Variants in NRGN observed in about 807,000 individuals in gnomAD.
The protein encoded by NRGN is calmodulin-binding protein.
For synonymous variants in NRGN, 47 were observed against 52.8 expected, an observed-to-expected ratio of 0.89 and a Z score of 0.47; for missense variants, 82 against 123.0, an observed-to-expected ratio of 0.67 and a Z score of 1.58.
intron 1 of NRGN, among the ~76,000 whole-genome samples, chr11:124,742,217 G>A (rs1019184676): frequency 6.6e-6 from 1 of 152,188 alleles, no homozygotes; most frequent in African/African-American, 2.4e-5. Context: ...GCTGGACTCA[G>A]TGCTGGGAGA....
chr11:124,740,246 G>A lies in NRGN; in HGVS notation c.15+147G>A. The A allele has an allele frequency of 1.7e-6, 1 of 571,876 alleles. No homozygotes were observed. Among genetic ancestry groups the A allele is most frequent in the Non-Finnish European group, 2.6e-6 (1 of 378,002 alleles). The allele number at this position is 571,876 out of a possible 1,614,324, so 35.4% of individuals were successfully genotyped here. ...AAGGGGTCCTTGCCGAGACGTGGGT[G>A]GTGGATGGTGGAAGGCGCCCGCCCG... is the stretch of plus-strand genomic sequence containing the variant. On this transcript the variant is annotated intron_variant, in intron 1 of 3. Coordinates refer to ENST00000284292, the MANE Select transcript of NRGN (RefSeq NM_006176.3). This position sits in a 1 kb window ranked among gnomAD's most constrained non-coding sequence, Gnocchi z 7.5.
chr11:124,745,482 A>G lies in NRGN; in HGVS notation c.16-21A>G. 1 of 1,542,584 alleles carries G rather than the reference A, an allele frequency of 6.5e-7. No individual in the cohort carries two copies. Among genetic ancestry groups the G allele is most frequent in the Non-Finnish European group, 8.7e-7 (1 of 1,144,416 alleles). On this transcript the variant is annotated intron_variant, in intron 1 of 3. Coordinates refer to ENST00000284292, the MANE Select transcript of NRGN (RefSeq NM_006176.3). This position sits in a 1 kb window ranked among gnomAD's most constrained non-coding sequence, Gnocchi z 6.4. The stretch of plus-strand genomic sequence containing the variant: ...ATCAAGACCCAGTGACCCCACAAGA[A>G]CCCCCCTGCTTCGCCCCCAGGAGAA...
chr11:124,743,902 G>GAAAAAAAA lies in NRGN; in HGVS notation c.16-1597_16-1590dup, dbSNP rs56291708. On this transcript the variant is annotated intron_variant, in intron 1 of 3. Coordinates refer to ENST00000284292, the MANE Select transcript of NRGN (RefSeq NM_006176.3). ...AAAGCAGTGGAAGACTTCATGAAAA[G>GAAAAAAAA]AAAAAAAAAAAGAAGGAGGCAAATT... Among the ~76,000 whole-genome samples the GAAAAAAAA allele has an allele frequency of 8.8e-4, 119 of 134,848 alleles. 5 individuals carry two copies. Among genetic ancestry groups the GAAAAAAAA allele is most frequent in the Non-Finnish European group, 1.4e-3 (88 of 63,850 alleles). The allele number at this position is 134,848 out of a possible 152,430, so 88.5% of individuals were successfully genotyped here.
intron 1 of NRGN, among the ~76,000 whole-genome samples, chr11:124,742,757 A>C (rs1474561786): frequency 1.3e-5 from 2 of 152,180 alleles, no homozygotes; most frequent in African/African-American, 4.8e-5. Flanking sequence ...AAATGAGGTA[A>C]TATATGCAAA....
chr11:124,745,745 C>G lies in NRGN; in HGVS notation c.*5+16C>G. On this transcript the variant is annotated intron_variant, in intron 2 of 3. Transcript: ENST00000284292. The surrounding 1 kb of genome is among the most constrained non-coding windows in gnomAD (Gnocchi z 6.4). ...ACTAGGCCAGGTGAGGCGGGCGGCG[C>G]GCGGCTGGCTGACAGCTGCCCTTCC... 1 of 1,261,814 alleles carries G rather than the reference C, an allele frequency of 7.9e-7. No homozygotes were observed. 78.2% of individuals were successfully genotyped at this position (1,261,814 alleles called of 1,614,324 possible). A position where few individuals can be genotyped will look rare whatever the true frequency, so the allele number is the denominator to read the frequency against.
Position 124,740,130 on chromosome 11 carries a change from TG to T in NRGN, c.15+33del. ...TTAGAGGGCCCGGGGGAGGGGCACTTGGCGGGGTCCGCTGCGAGAGGCGCCT... is the reference window on the plus strand; with the variant it reads ...TTAGAGGGCCCGGGGGAGGGGCACTTGCGGGGTCCGCTGCGAGAGGCGCCT... On this transcript the variant is annotated intron_variant, in intron 1 of 3. Transcript: ENST00000284292. The surrounding 1 kb of genome is among the most constrained non-coding windows in gnomAD (Gnocchi z 7.5). 1.5e-6 allele frequency: 2 copies of T among 1,322,378 alleles called. No homozygotes were observed. Among genetic ancestry groups the T allele is most frequent in the South Asian group, 2.5e-5 (1 of 39,926 alleles). The allele number at this position is 1,322,378 out of a possible 1,614,324, so 81.9% of individuals were successfully genotyped here.
At position 124,745,567 on chromosome 11, in the gene NRGN, A is replaced by T; in HGVS notation, c.80A>T (p.Asn27Ile). Residue 27 changes from asparagine to isoleucine, a missense_variant, in exon 2 of 4, where the codon AAC becomes ATC. By Grantham distance (149) the Asn-to-Ile change is moderately radical. Transcript: ENST00000284292. The surrounding 1 kb of genome is among the most constrained non-coding windows in gnomAD (Gnocchi z 6.4). ...LDIPLDDPGA[N>I]AAAAKIQASF... ...ATCCCGCTGGACGATCCCGGCGCCA[A>T]CGCGGCCGCCGCCAAAATCCAGGCG... 6.2e-7 allele frequency: 1 copy of T among 1,605,926 alleles called. No homozygotes were observed. Among genetic ancestry groups the T allele is most frequent in the Non-Finnish European group, 8.5e-7 (1 of 1,177,442 alleles).
At chr11:124,743,212 A>G (rs192747713) in intron 1 of NRGN, among the ~76,000 whole-genome samples, 48 of 152,306 alleles carry the variant, frequency 3.2e-4, no homozygotes, top group Admixed American at 2.9e-3. Context: ...CTGCTATTCC[A>G]GGTTTCCATT....
chr11:124,740,137 G>T lies in NRGN; in HGVS notation c.15+38G>T. 1 of 1,313,784 alleles carries T rather than the reference G, an allele frequency of 7.6e-7. No homozygotes were observed. Among genetic ancestry groups the T allele is most frequent in the South Asian group, 2.6e-5 (1 of 38,652 alleles). The allele number at this position is 1,313,784 out of a possible 1,614,324, so 81.4% of individuals were successfully genotyped here. ...GCCCGGGGGAGGGGCACTTGGCGGG[G>T]TCCGCTGCGAGAGGCGCCTGAGAAA... On this transcript the variant is annotated intron_variant, in intron 1 of 3. Transcript: ENST00000284292. The surrounding 1 kb of genome is among the most constrained non-coding windows in gnomAD (Gnocchi z 7.5).
chr11:124,743,949 T>G (rs1482040989), intron 1 of NRGN, among the ~76,000 whole-genome samples: 1 of 147,284 alleles, frequency 6.8e-6, no homozygotes, highest in Non-Finnish European at 1.5e-5. Flanking sequence ...GTGAGCCAGA[T>G]CAAAGGAGAA....
At chr11:124,744,740 A>G (rs866164649) in intron 1 of NRGN, 1 of 152,262 alleles carries the variant, frequency 6.6e-6, no homozygotes. Flanking sequence ...AGCTATCACC[A>G]TAATTCCCTT....
At position 124,747,040 on chromosome 11, in the gene NRGN, T is replaced by G. The variant is rs1369520114; in HGVS notation, c.*660T>G. On this transcript the variant is annotated 3_prime_UTR_variant, in exon 4 of 4. Transcript: ENST00000284292. ...CTTGTTTATGCAAACGCCGAGCGCC[T>G]GGGAGGCTCGGTAGGAGGAGTCTTC... 1.3e-5 allele frequency: 2 copies of G among 153,116 alleles called. No homozygotes were observed. Among genetic ancestry groups the G allele is most frequent in the African/African-American group, 4.8e-5 (2 of 41,436 alleles). The allele number at this position is 153,116 out of a possible 1,614,324, so 9.5% of individuals were successfully genotyped here.
At position 124,745,430 on chromosome 11, in the gene NRGN, G is replaced by A. The variant is rs1174060037; in HGVS notation, c.16-73G>A. ...CGTCGCCATAGTCCCTGTCCCTCAG[G>A]GCTCTATTCCTACCCCACTCCCGCG... is the stretch of plus-strand genomic sequence containing the variant. On this transcript the variant is annotated intron_variant, in intron 1 of 3. Coordinates refer to ENST00000284292, the MANE Select transcript of NRGN (RefSeq NM_006176.3). The surrounding 1 kb of genome is among the most constrained non-coding windows in gnomAD (Gnocchi z 6.4). The A allele has an allele frequency of 1.7e-6, 2 of 1,160,990 alleles. No individual in the cohort carries two copies. Among genetic ancestry groups the A allele is most frequent in the Non-Finnish European group, 2.4e-6 (2 of 839,588 alleles). The allele number at this position is 1,160,990 out of a possible 1,614,324, so 71.9% of individuals were successfully genotyped here.
At position 124,744,683 on chromosome 11, in the gene NRGN, G is replaced by A. The variant is rs531850946; in HGVS notation, c.16-820G>A. The A allele has an allele frequency of 4.6e-5, 7 of 152,332 alleles. No individual in the cohort carries two copies. In the East Asian group the frequency reaches 7.7e-4, roughly 17 times the overall value. The allele number at this position is 152,332 out of a possible 1,614,324, so 9.4% of individuals were successfully genotyped here. On this transcript the variant is annotated intron_variant, in intron 1 of 3. Coordinates refer to ENST00000284292, the MANE Select transcript of NRGN (RefSeq NM_006176.3). ...TGGGGGACTAAATAAAATAATGCCT[G>A]TAAAACACCGTTATTGCACCTGGAA...
intron 1 of NRGN, among the ~76,000 whole-genome samples, chr11:124,742,541 G>A (rs766316047): frequency 7.9e-5 from 12 of 152,088 alleles, no homozygotes; most frequent in South Asian, 2.1e-4. Flanking sequence ...ATGAAAAAGC[G>A]CATGAATTTT....
intron 1 of NRGN, among the ~76,000 whole-genome samples, chr11:124,742,955 C>A (rs1398204915): frequency 6.6e-6 from 1 of 152,188 alleles, no homozygotes; most frequent in Non-Finnish European, 1.5e-5. Flanking sequence ...GACCAGGGCA[C>A]CTTCCACCTC....
intron 1 of NRGN, chr11:124,744,646 A>C (rs1198443998): frequency 6.6e-6 from 1 of 152,210 alleles, no homozygotes; most frequent in African/African-American, 2.4e-5. Context: ...AAGGTACGTA[A>C]TAGCTTTATT....
At position 124,745,296 on chromosome 11, in the gene NRGN, T is replaced by C. The variant is rs1943999506; in HGVS notation, c.16-207T>C. ...TCTTTCCTGAATTGAGACATGACTGTCCACCTGGCCCTGAACCTTCTTCGC... is the reference window on the plus strand; with the variant it reads ...TCTTTCCTGAATTGAGACATGACTGCCCACCTGGCCCTGAACCTTCTTCGC... On this transcript the variant is annotated intron_variant, in intron 1 of 3. Coordinates refer to ENST00000284292, the MANE Select transcript of NRGN (RefSeq NM_006176.3). The surrounding 1 kb of genome is among the most constrained non-coding windows in gnomAD (Gnocchi z 6.4). Among the ~76,000 whole-genome samples, 1 of 152,118 alleles carries C rather than the reference T, an allele frequency of 6.6e-6. No homozygotes were observed. Among genetic ancestry groups the C allele is most frequent in the Non-Finnish European group, 1.5e-5 (1 of 68,024 alleles).
chr11:124,742,679 A>T (rs1229956727), intron 1 of NRGN, among the ~76,000 whole-genome samples: 1 of 152,160 alleles, frequency 6.6e-6, no homozygotes, highest in Non-Finnish European at 1.5e-5. Context: ...ACTATTTGTC[A>T]ACTGAGTGAC....
Sources: gnomAD v4.1 joint callset for allele counts (sites outside exome capture counted in the v4.1 genomes callset) on GRCh38, gnomAD v4.1.1 for gene constraint, Gnocchi (gnomAD v3.1) non-coding constraint, MANE v1.5 for transcripts, NCBI Gene and HGNC (gene_info 2026-07-23, HGNC 2026-07-21) for gene names.